The following ST6GALNAC2 variants were observed in gnomAD, a reference collection of about 807,000 sequenced individuals.
The protein encoded by ST6GALNAC2 is alpha-N-acetylgalactosaminide alpha-2,6-sialyltransferase 2.
In ST6GALNAC2, 42 loss-of-function variants were observed where a neutral mutation model predicts 38.7. The ratio of observed to expected loss-of-function variants is 1.09; its 90% CI spans 0.85 to 1.40. The LOEUF is 1.40. Ranked by LOEUF, ST6GALNAC2 falls within the 40% of genes most tolerant of loss-of-function variation. The probability of loss-of-function intolerance (pLI) is 0.00; values close to 1 mark genes in which losing one functional copy is unlikely to be tolerated. For missense variants in ST6GALNAC2, 506 were observed against 481.7 expected (o/e 1.05, Z -0.47); for synonymous variants, 233 against 209.0 (o/e 1.11, Z -0.99).
At chr17:76,567,658 C>A in intron 7 of ST6GALNAC2, 106 bp from the exon 8 acceptor site, 2 of 711,482 alleles carry the variant, frequency 2.8e-6, no homozygotes, top group East Asian at 2.7e-5. Context: ...TGAGGGCCTT[C>A]TACTCCAGTC....
rs1189687318 is a variant in ST6GALNAC2, at chr17:76,573,964, C to T, written c.361+401G>A. Among the ~76,000 whole-genome samples, 2 of 151,880 alleles carry T rather than the reference C, an allele frequency of 1.3e-5. No individual in the cohort carries two copies. The highest frequency in any genetic ancestry group is 2.4e-5 in the African/African-American group (1 of 41,330). On this transcript the variant is annotated intron_variant, in intron 3 of 8. Coordinates refer to ENST00000225276, the MANE Select transcript of ST6GALNAC2 (RefSeq NM_006456.3). This position sits in a 1 kb window ranked among gnomAD's most constrained non-coding sequence, Gnocchi z 5.1. Reference sequence around the variant, plus strand: ...ACTGTATATTGCAAAAGAAAAGAATCGGAGGCCTGTGGGGGTTTGGGTGCA... The same window carrying T: ...ACTGTATATTGCAAAAGAAAAGAATTGGAGGCCTGTGGGGGTTTGGGTGCA...
At chr17:76,581,780 C>T (rs143503344) in intron 1 of ST6GALNAC2, among the ~76,000 whole-genome samples, 1 of 152,162 alleles carries the variant, frequency 6.6e-6, no homozygotes, top group African/African-American at 2.4e-5. Flanking sequence ...GGAGGTTTTA[C>T]CAGCCTGAGG....
chr17:76,585,734 G>C lies in ST6GALNAC2; in HGVS notation c.75C>G (p.Ala25=). ...LTAACSGLLF[A]LYFSAVQRYP... ...ACCGCTGCACCGCCGAGAAGTACAG[G>C]GCAAAGAGGAGCCCCGAGCAGGCAG... The change falls in exon 1 of 9, where the codon GCC becomes GCG. Residue 25 remains alanine, a synonymous_variant. Coordinates refer to ENST00000225276, the MANE Select transcript of ST6GALNAC2 (RefSeq NM_006456.3). 1.3e-6 allele frequency: 2 copies of C among 1,544,674 alleles called. No individual in the cohort carries two copies. The highest frequency in any genetic ancestry group is 1.7e-6 in the Non-Finnish European group (2 of 1,147,542).
intron 1 of ST6GALNAC2, among the ~76,000 whole-genome samples, chr17:76,580,417 C>T (rs1037335429): frequency 2.0e-5 from 3 of 151,494 alleles, no homozygotes; most frequent in South Asian, 2.1e-4. Flanking sequence ...AACTCCTGGC[C>T]GGGTGCGGTG....
rs777802463 is a variant in ST6GALNAC2 at position 76,570,560 on chromosome 17, C to T, written c.773+5G>A. 8.1e-6 allele frequency: 13 copies of T among 1,604,204 alleles called. No individual in the cohort carries two copies. Among genetic ancestry groups the T allele is most frequent in the Non-Finnish European group, 1.1e-5 (13 of 1,173,856 alleles). On this transcript the variant is annotated splice_donor_5th_base_variant and intron_variant, in intron 6 of 8. Transcript: ENST00000225276. ...GCCCCACACCACCACGGCCTGGCTG[C>T]TCACCTGTCCCCTTTATCTAGGCCC...
At chr17:76,574,675 A>ATT in intron 2 of ST6GALNAC2, 136 bp from the exon 3 acceptor site, 141 of 534,236 alleles carry the variant, frequency 2.6e-4, no homozygotes, top group Middle Eastern at 6.1e-4. Flanking sequence ...CCATCCTTGC[A>ATT]TTTTTTTTTT....
intron 2 of ST6GALNAC2, among the ~76,000 whole-genome samples, chr17:76,576,893 G>A (rs1041065694): frequency 5.3e-5 from 8 of 150,952 alleles, no homozygotes; most frequent in South Asian, 2.1e-4. Flanking sequence ...TTGCTTGAAC[G>A]TGGGAGGCGG....
rs566283620 is a variant in ST6GALNAC2 at position 76,579,651 on chromosome 17, T to C, written c.126-835A>G. 5.9e-5 allele frequency among the ~76,000 whole-genome samples: 9 copies of C among 152,372 alleles called. No individual in the cohort carries two copies. The South Asian group carries it at 1.9e-3, about 32-fold the overall frequency. On this transcript the variant is annotated intron_variant, in intron 1 of 8. Coordinates refer to ENST00000225276, the MANE Select transcript of ST6GALNAC2 (RefSeq NM_006456.3). ...ACCTTTAAGAGGTGATTAGGTCACT[T>C]GGGCTCTGCCTTCATGAATGGATTA...
intron 8 of ST6GALNAC2, 56 bp from the exon 9 acceptor site, chr17:76,566,327 A>G (rs1350476821): frequency 6.4e-7 from 1 of 1,573,618 alleles, no homozygotes; most frequent in East Asian, 2.2e-5. Flanking sequence ...GTGTACAGAC[A>G]CTTGGGTGAA....
chr17:76,567,877 TTGA>T (rs2075304705), intron 7 of ST6GALNAC2: 2 of 298,316 alleles, frequency 6.7e-6, no homozygotes, highest in South Asian at 6.5e-5. Context: ...ACTCCACATC[TTGA>T]TTAAGTAGGA....
At chr17:76,579,504 C>T (rs923074556) in intron 1 of ST6GALNAC2, among the ~76,000 whole-genome samples, 5 of 152,342 alleles carry the variant, frequency 3.3e-5, no homozygotes, top group Admixed American at 1.3e-4. Flanking sequence ...GTGTGGGTCA[C>T]GCCCACCACT....
Position 76,570,571 on chromosome 17 carries a change from C to G in ST6GALNAC2, c.767G>C (p.Gly256Ala). ...GVPVPEGLDK[G>A]DRPHAYFGPE... ...CCACGGCCTGGCTGCTCACCTGTCCCCTTTATCTAGGCCCTCAGGGACAGG... is the reference window on the plus strand; with the variant it reads ...CCACGGCCTGGCTGCTCACCTGTCCGCTTTATCTAGGCCCTCAGGGACAGG... Residue 256 changes from glycine (G) to alanine (A), a missense_variant, in exon 6 of 9, where the codon GGG (glycine) becomes GCG (alanine). By Grantham distance (60) the Gly-to-Ala change is moderately conservative. Transcript: ENST00000225276. 6.2e-7 allele frequency: 1 copy of G among 1,610,386 alleles called. No homozygotes were observed. The highest frequency in any genetic ancestry group is 8.5e-7 in the Non-Finnish European group (1 of 1,178,226).
chr17:76,577,066 T>C (rs1567932317), intron 2 of ST6GALNAC2, among the ~76,000 whole-genome samples: 7 of 138,628 alleles, frequency 5.0e-5, no homozygotes, highest in Non-Finnish European at 4.7e-5. Context: ...TTTTTTTCTT[T>C]TTTTTTTTTT....
intron 1 of ST6GALNAC2, among the ~76,000 whole-genome samples, chr17:76,583,589 A>G (rs1347429202): frequency 6.1e-5 from 8 of 131,750 alleles, no homozygotes; most frequent in Admixed American, 3.5e-4. Context: ...GAGGAACCAC[A>G]TTTGGTGAAG....
chr17:76,572,517 C>T, intron 5 of ST6GALNAC2, 120 bp downstream of exon 5: 1 of 1,223,364 alleles, frequency 8.2e-7, no homozygotes, highest in Non-Finnish European at 1.1e-6. Flanking sequence ...ATCCAGAATC[C>T]TGGCACCCCC....
rs1356081655 is a variant in ST6GALNAC2 at position 76,585,230 on chromosome 17, G to T, written c.125+454C>A. On this transcript the variant is annotated intron_variant, in intron 1 of 8. Transcript: ENST00000225276. ...CGGGCGGGAAAGGCGACTGGCCGCGGCCCGACGGAGGGTCCCCGCGAAGTT... is the reference window on the plus strand; with the variant it reads ...CGGGCGGGAAAGGCGACTGGCCGCGTCCCGACGGAGGGTCCCCGCGAAGTT... Among the ~76,000 whole-genome samples, 3 of 152,346 alleles carry T rather than the reference G, an allele frequency of 2.0e-5. No individual in the cohort carries two copies. In the East Asian group the frequency reaches 5.8e-4, roughly 29 times the overall value.
Position 76,585,726 on chromosome 17 carries a change from A to T in ST6GALNAC2, c.83T>A (p.Phe28Tyr). 1.3e-6 allele frequency: 2 copies of T among 1,540,898 alleles called. No individual in the cohort carries two copies. The highest frequency in any genetic ancestry group is 1.7e-6 in the Non-Finnish European group (2 of 1,146,066). Reference protein sequence around the residue: ...ACSGLLFALYFSAVQRYPGPA... With the variant: ...ACSGLLFALYYSAVQRYPGPA... ...CCCCGGGTACCGCTGCACCGCCGAG[A>T]AGTACAGGGCAAAGAGGAGCCCCGA... Residue 28 changes from phenylalanine to tyrosine, a missense_variant, in exon 1 of 9, where the codon TTC becomes TAC. Physicochemically the swap from Phe to Tyr is conservative, Grantham distance 22. Transcript: ENST00000225276.
intron 2 of ST6GALNAC2, 99 bp from the exon 3 acceptor site, chr17:76,574,638 G>C: frequency 9.7e-7 from 1 of 1,035,936 alleles, no homozygotes; most frequent in Non-Finnish European, 1.4e-6. Context: ...GTGAGGGAAG[G>C]CCTGCCCTGT....
At chr17:76,578,555 C>T (rs1345638997) in intron 2 of ST6GALNAC2, among the ~76,000 whole-genome samples, 2 of 152,120 alleles carry the variant, frequency 1.3e-5, no homozygotes, top group Admixed American at 6.6e-5. Flanking sequence ...TTTATTCATC[C>T]TTCTCTGCTG....
Sources: allele counts gnomAD v4.1 joint callset (sites outside exome capture counted in the v4.1 genomes callset), GRCh38; gene constraint gnomAD v4.1.1; non-coding constraint Gnocchi (gnomAD v3.1); transcripts MANE v1.5; gene names NCBI Gene and HGNC (gene_info 2026-07-23, HGNC 2026-07-21).